Variants in UBXN2A observed in about 807,000 individuals in gnomAD.
UBXN2A encodes UBX domain-containing protein 2A.
In UBXN2A, 28 loss-of-function variants were observed where a neutral mutation model predicts 28.4. The ratio of observed to expected loss-of-function variants is 0.99; its 90% CI spans 0.73 to 1.35. The LOEUF is 1.35. Among genes scored for constraint, UBXN2A ranks in the 40% most tolerant of loss-of-function variants. UBXN2A has a pLI of 0.00. For synonymous variants in UBXN2A, 97 were observed against 103.6 expected, an observed-to-expected ratio of 0.94 and a Z score of 0.39; for missense variants, 253 against 297.9, an observed-to-expected ratio of 0.85 and a Z score of 1.11.
At chr2:23,989,072 C>G (rs1708241559) in intron 6 of UBXN2A, among the ~76,000 whole-genome samples, 1 of 152,046 alleles carries the variant, frequency 6.6e-6, no homozygotes, top group Admixed American at 6.6e-5. Flanking sequence ...CCACTGCTTC[C>G]AGGCCCTCTG....
intron 1 of UBXN2A, among the ~76,000 whole-genome samples, chr2:23,932,729 C>G (rs1241049148): frequency 6.6e-6 from 1 of 152,208 alleles, no homozygotes; most frequent in Non-Finnish European, 1.5e-5. Context: ...TAAATCATCT[C>G]TGACAGAATA....
At chr2:23,979,766 T>C (rs1336604997) in intron 4 of UBXN2A, among the ~76,000 whole-genome samples, 2 of 152,126 alleles carry the variant, frequency 1.3e-5, no homozygotes, top group Non-Finnish European at 1.5e-5. Flanking sequence ...AGATGAGGTC[T>C]TGCTGTGTTA....
rs894888711 is a variant in UBXN2A, at chr2:24,001,680, C to G, written c.*1813C>G. The G allele has an allele frequency of 3.3e-5, 5 of 151,910 alleles. No individual in the cohort carries two copies. The highest frequency in any genetic ancestry group is 3.3e-4 in the Admixed American group (5 of 15,258). The allele number at this position is 151,910 out of a possible 1,614,324, so 9.4% of individuals were successfully genotyped here. On this transcript the variant is annotated 3_prime_UTR_variant, in exon 7 of 7. Coordinates refer to ENST00000309033, the MANE Select transcript of UBXN2A (RefSeq NM_181713.4). ...AATTTTTAAAATATTTATTTATGGG[C>G]CAGGCACGGTGGCTTACGCCTGTAA...
intron 6 of UBXN2A, among the ~76,000 whole-genome samples, chr2:23,992,029 T>C: frequency 6.6e-6 from 1 of 152,166 alleles, no homozygotes; most frequent in Non-Finnish European, 1.5e-5. Flanking sequence ...TGGAATGCAG[T>C]GGCGCAATCT....
At chr2:23,974,259 C>T (rs35949373) in intron 3 of UBXN2A, among the ~76,000 whole-genome samples, 446 of 151,074 alleles carry the variant, frequency 3.0e-3, no homozygotes, top group Non-Finnish European at 4.6e-3. Context: ...CCTCGTGATC[C>T]GCCCGCCTCA....
At chr2:23,936,675 G>A (rs1021003928), upstream of UBXN2A, among the ~76,000 whole-genome samples, 1 of 152,090 alleles carries the variant, frequency 6.6e-6, no homozygotes, top group African/African-American at 2.4e-5. Context: ...GAGACTGAAA[G>A]CTTTTTGTCT....
chr2:23,968,459 G>A (rs534887322), intron 2 of UBXN2A, among the ~76,000 whole-genome samples: 1 of 151,966 alleles, frequency 6.6e-6, no homozygotes, highest in Non-Finnish European at 1.5e-5. Flanking sequence ...GGCGGATCAC[G>A]AGGTCAGATC....
At chr2:23,950,012 C>A (rs1706286328) in intron 1 of UBXN2A, among the ~76,000 whole-genome samples, 1 of 119,140 alleles carries the variant, frequency 8.4e-6, no homozygotes, top group African/African-American at 3.1e-5. Context: ...CCCACCCCCA[C>A]CCCCACCCCC....
intron 2 of UBXN2A, among the ~76,000 whole-genome samples, chr2:23,965,243 C>G (rs1415782850): frequency 6.6e-6 from 1 of 152,162 alleles, no homozygotes; most frequent in Admixed American, 6.6e-5. Context: ...CTCGGACTTC[C>G]AGTACAACAC....
chr2:23,968,686 A>C (rs573178636), intron 2 of UBXN2A, among the ~76,000 whole-genome samples: 12 of 151,838 alleles, frequency 7.9e-5, no homozygotes, highest in African/African-American at 2.2e-4. Flanking sequence ...AAAAAAAAAA[A>C]AAACAGTATC....
intron 1 of UBXN2A, among the ~76,000 whole-genome samples, chr2:23,949,820 A>G (rs1338226782): frequency 1.3e-5 from 2 of 152,018 alleles, no homozygotes; most frequent in Admixed American, 6.6e-5. Context: ...GGTTGCAGTA[A>G]GCTGAGACCT....
In UBXN2A at chr2:23,993,862, A is replaced by AT. The variant is rs1466067517; in HGVS notation, c.585-5803dup. Among the ~76,000 whole-genome samples, 4 of 150,814 alleles carry AT rather than the reference A, an allele frequency of 2.7e-5. No individual in the cohort carries two copies. In the East Asian group the frequency reaches 5.9e-4, roughly 22 times the overall value. ...GCTACCACACCCAGCTAATTTTTGTATTTTTTTGGTAGAGACAGGGTTTCA... is the reference window on the plus strand; with the variant it reads ...GCTACCACACCCAGCTAATTTTTGTATTTTTTTTGGTAGAGACAGGGTTTCA... On this transcript the variant is annotated intron_variant, in intron 6 of 6. Coordinates refer to ENST00000309033, the MANE Select transcript of UBXN2A (RefSeq NM_181713.4).
chr2:23,955,223 A>G (rs113312575), intron 1 of UBXN2A, among the ~76,000 whole-genome samples: 18,570 of 151,870 alleles, frequency 0.12, 1,216 homozygotes, highest in Middle Eastern at 0.21. Flanking sequence ...GAGCCATCGC[A>G]CCCGGCTGCT....
intron 2 of UBXN2A, among the ~76,000 whole-genome samples, chr2:23,967,298 G>A (rs563669154): frequency 3.4e-4 from 51 of 152,182 alleles, no homozygotes; most frequent in African/African-American, 1.2e-3. Flanking sequence ...TAACATGAAG[G>A]AATGAAATTT....
intron 2 of UBXN2A, among the ~76,000 whole-genome samples, chr2:23,963,903 A>G (rs186747452): frequency 3.9e-5 from 6 of 152,256 alleles, no homozygotes; most frequent in Admixed American, 2.6e-4. Flanking sequence ...CCAAGGCAGG[A>G]GGATCCCTTG....
At chr2:23,993,814 A>G (rs1708438522) in intron 6 of UBXN2A, among the ~76,000 whole-genome samples, 1 of 151,378 alleles carries the variant, frequency 6.6e-6, no homozygotes, top group East Asian at 2.0e-4. Context: ...CAGCTTCCCA[A>G]GTAGCTGGCA....
At chr2:23,933,820 A>G (rs1431997054) in intron 1 of UBXN2A, among the ~76,000 whole-genome samples, 1 of 152,216 alleles carries the variant, frequency 6.6e-6, no homozygotes, top group East Asian at 1.9e-4. Context: ...ATCAATGAAG[A>G]GATGGTCCTG....
At chr2:23,951,019 T>C (rs1706337313) in intron 1 of UBXN2A, among the ~76,000 whole-genome samples, 4 of 152,150 alleles carry the variant, frequency 2.6e-5, no homozygotes. Context: ...TATATATTTA[T>C]GGGATACATT....
In UBXN2A at chr2:24,002,253, A is replaced by G. The variant is rs1452671066; in HGVS notation, c.*2386A>G. The G allele has an allele frequency of 6.6e-6, 1 of 151,628 alleles. No homozygotes were observed. The highest frequency in any genetic ancestry group is 1.5e-5 in the Non-Finnish European group (1 of 67,954). 9.4% of individuals were successfully genotyped at this position (151,628 alleles called of 1,614,324 possible). A position where few individuals can be genotyped will look rare whatever the true frequency, so the allele number is the denominator to read the frequency against. On this transcript the variant is annotated 3_prime_UTR_variant, in exon 7 of 7. Coordinates refer to ENST00000309033, the MANE Select transcript of UBXN2A (RefSeq NM_181713.4). ...AACCATGTCTGTACTAAAAATACAA[A>G]AATTAGCCTGGTGTGGTGGCACATG... is the stretch of plus-strand genomic sequence containing the variant.
Sources: gnomAD v4.1 joint callset for allele counts (sites outside exome capture counted in the v4.1 genomes callset) on GRCh38, gnomAD v4.1.1 for gene constraint, MANE v1.5 for transcripts, NCBI Gene and HGNC (gene_info 2026-07-23, HGNC 2026-07-21) for gene names.